Variants in CADM2 observed in about 807,000 individuals in gnomAD.
The protein encoded by CADM2 is cell adhesion molecule 2.
CADM2 carries 12 observed loss-of-function variants against 49.8 expected under a neutral mutation model. The ratio of observed to expected loss-of-function variants is 0.24; its 90% CI spans 0.15 to 0.39. The LOEUF (loss-of-function observed/expected upper bound fraction) is 0.39. CADM2 is among the 10% of genes least tolerant of loss of function. The pLI is 1.00. For synonymous variants in CADM2, 214 were observed against 175.4 expected, an observed-to-expected ratio of 1.22 and a Z score of -1.74; for missense variants, 378 against 492.3, an observed-to-expected ratio of 0.77 and a Z score of 2.20.
intron 1 of CADM2, among the ~76,000 whole-genome samples, chr3:85,235,605 T>G (rs1231758959): frequency 1.3e-5 from 2 of 152,150 alleles, no homozygotes; most frequent in Non-Finnish European, 2.9e-5. Context: ...TTTGTTAATC[T>G]AGATTTTATC....
rs147136752 is a variant in CADM2, at chr3:85,158,366, A to C, written c.61+198698A>C. On this transcript the variant is annotated intron_variant, in intron 1 of 9. Coordinates refer to ENST00000383699, the MANE Select transcript of CADM2 (RefSeq NM_001167675.2). ...GTATATACCCAAAGGACTATAAATC[A>C]TGCTGTTGTAAAGACACATCCACAC... Among the ~76,000 whole-genome samples the C allele has an allele frequency of 2.8e-3, 421 of 152,336 alleles. 3 individuals carry two copies. Among genetic ancestry groups the C allele is most frequent in the African/African-American group, 9.8e-3 (408 of 41,572 alleles).
At chr3:85,312,645 C>CA (rs1212561668) in intron 1 of CADM2, among the ~76,000 whole-genome samples, 1 of 151,968 alleles carries the variant, frequency 6.6e-6, no homozygotes, top group Non-Finnish European at 1.5e-5. Context: ...TGTTAATACT[C>CA]ACTATAAAAA....
intron 1 of CADM2, among the ~76,000 whole-genome samples, chr3:85,412,249 C>A (rs979128353): frequency 1.3e-5 from 2 of 152,066 alleles, no homozygotes; most frequent in Non-Finnish European, 2.9e-5. Flanking sequence ...ATTTACTTAC[C>A]TCTCAAATGG....
intron 1 of CADM2, among the ~76,000 whole-genome samples, chr3:85,009,164 A>G (rs912883915): frequency 4.6e-5 from 7 of 152,194 alleles, no homozygotes; most frequent in African/African-American, 1.4e-4. Flanking sequence ...TTTTCTCTCA[A>G]TATTTGGCAT....
At chr3:85,533,793 GA>G (rs2061370550) in intron 1 of CADM2, among the ~76,000 whole-genome samples, 1 of 152,174 alleles carries the variant, frequency 6.6e-6, no homozygotes, top group African/African-American at 2.4e-5. Context: ...AGCCAGTTCA[GA>G]AGCCATGCAC....
chr3:85,244,139 T>C (rs987294916), intron 1 of CADM2, among the ~76,000 whole-genome samples: 3 of 152,152 alleles, frequency 2.0e-5, no homozygotes, highest in African/African-American at 7.2e-5. Context: ...TTATTTTACA[T>C]ATGTATAAAA....
chr3:85,312,261 T>C (rs933116044), intron 1 of CADM2, among the ~76,000 whole-genome samples: 4 of 152,132 alleles, frequency 2.6e-5, no homozygotes, highest in African/African-American at 9.7e-5. Flanking sequence ...ATAATAATTT[T>C]AAAAGATTAA....
chr3:85,519,425 G>A (rs767322822), intron 1 of CADM2, among the ~76,000 whole-genome samples: 7 of 151,620 alleles, frequency 4.6e-5, no homozygotes, highest in Non-Finnish European at 5.9e-5. Flanking sequence ...CAATTATATC[G>A]TTATAGCAAT....
intron 1 of CADM2, among the ~76,000 whole-genome samples, chr3:85,099,916 A>G (rs186097152): frequency 2.6e-5 from 4 of 152,184 alleles, no homozygotes; most frequent in Non-Finnish European, 4.4e-5. Flanking sequence ...ACATAAAACC[A>G]TATCTATCAT....
intron 2 of CADM2, among the ~76,000 whole-genome samples, chr3:85,767,154 G>A (rs937385331): frequency 9.9e-5 from 15 of 152,008 alleles, no homozygotes; most frequent in African/African-American, 3.6e-4. Flanking sequence ...ATTCCTAATT[G>A]TCTTATTTAG....
chr3:85,153,782 C>A (rs1002395306), intron 1 of CADM2, among the ~76,000 whole-genome samples: 2 of 152,272 alleles, frequency 1.3e-5, no homozygotes, highest in Admixed American at 6.5e-5. Context: ...TCCCTGACCC[C>A]TGACCCCCGA....
rs111234976 is a variant in CADM2, at chr3:85,197,082, C to A, written c.61+237414C>A. 2.1e-3 allele frequency among the ~76,000 whole-genome samples: 318 copies of A among 151,960 alleles called. 1 individual carries two copies. Among genetic ancestry groups the A allele is most frequent in the African/African-American group, 7.3e-3 (301 of 41,494 alleles). Reference sequence around the variant, plus strand: ...TACCACTTACAGAAACCTTTAGACACCTAATAACCTGGTAACAATTATTTG... The same window carrying A: ...TACCACTTACAGAAACCTTTAGACAACTAATAACCTGGTAACAATTATTTG... On this transcript the variant is annotated intron_variant, in intron 1 of 9. Transcript: ENST00000383699.
intron 1 of CADM2, among the ~76,000 whole-genome samples, chr3:85,576,815 C>T (rs748606396): frequency 2.6e-5 from 4 of 152,126 alleles, no homozygotes; most frequent in African/African-American, 4.8e-5. Flanking sequence ...CTACAGCTCT[C>T]CGATAACTAT....
At chr3:86,006,627 A>G (rs1730824404) in intron 8 of CADM2, among the ~76,000 whole-genome samples, 2 of 152,310 alleles carry the variant, frequency 1.3e-5, no homozygotes, top group Admixed American at 6.5e-5. Flanking sequence ...CTAGAGCTTC[A>G]GATACCCTTG....
chr3:85,469,482 A>T (rs1040758548), intron 1 of CADM2, among the ~76,000 whole-genome samples: 4 of 152,140 alleles, frequency 2.6e-5, no homozygotes, highest in African/African-American at 9.7e-5. Context: ...AATTCAAATG[A>T]TAGGAGTGGC....
chr3:85,784,412 T>TC (rs1374832577), intron 2 of CADM2, among the ~76,000 whole-genome samples: 1 of 151,942 alleles, frequency 6.6e-6, no homozygotes, highest in African/African-American at 2.4e-5. Flanking sequence ...GTTGAAATTT[T>TC]TTAATGGACT....
chr3:85,779,525 C>T (rs1310164805), intron 2 of CADM2, among the ~76,000 whole-genome samples: 2 of 152,056 alleles, frequency 1.3e-5, no homozygotes, highest in African/African-American at 2.4e-5. Context: ...ATAGCAACAA[C>T]AAGGAGAAGT....
intron 1 of CADM2, among the ~76,000 whole-genome samples, chr3:84,961,276 A>G (rs968705483): frequency 6.6e-6 from 1 of 152,068 alleles, no homozygotes; most frequent in Non-Finnish European, 1.5e-5. Context: ...ATTTATGCAT[A>G]TTTATGAATG....
intron 1 of CADM2, among the ~76,000 whole-genome samples, chr3:85,462,440 G>C (rs920773885): frequency 2.6e-5 from 4 of 152,138 alleles, no homozygotes. Context: ...GTTATTGAAA[G>C]TTTACTTGGT....
Sources: gnomAD v4.1 joint callset for allele counts (sites outside exome capture counted in the v4.1 genomes callset) on GRCh38, gnomAD v4.1.1 for gene constraint, MANE v1.5 for transcripts, NCBI Gene and HGNC (gene_info 2026-07-23, HGNC 2026-07-21) for gene names.